DROSHA: variants seen among roughly 807,000 people sequenced by gnomAD.
DROSHA encodes ribonuclease 3.
Under a neutral mutation model 181.9 loss-of-function variants are expected in DROSHA, and 56 were observed. The observed-to-expected ratio is 0.31, with a 90% CI of 0.25 to 0.38. The LOEUF (loss-of-function observed/expected upper bound fraction) is 0.38, where lower values mean the gene tolerates loss of function less well. Ranked by LOEUF, DROSHA falls within the 10% of genes least tolerant of loss-of-function variation. DROSHA has a pLI of 1.00. For synonymous variants in DROSHA, 524 were observed against 591.2 expected (o/e 0.89, Z 1.65); for missense variants, 1,218 against 1,743.5 (o/e 0.70, Z 5.37).
At chr5:31,420,156 A>T (rs961899351) in intron 30 of DROSHA, among the ~76,000 whole-genome samples, 1 of 152,190 alleles carries the variant, frequency 6.6e-6, no homozygotes, top group African/African-American at 2.4e-5. Context: ...TCCAGGGCTC[A>T]CTCACGGTTA....
Position 31,448,621 on chromosome 5 carries a change from A to C in DROSHA, c.2822-14T>G. ...AGGTGTTAATCCCTATTTAAAATAA[A>C]AAACAAATACACAAGTAAATACGGA... is the stretch of plus-strand genomic sequence containing the variant. On this transcript the variant is annotated splice_polypyrimidine_tract_variant and intron_variant, in intron 22 of 35. Coordinates refer to ENST00000344624, the MANE Select transcript of DROSHA (RefSeq NM_001382508.1). The C allele has an allele frequency of 6.2e-7, 1 of 1,605,930 alleles. No individual in the cohort carries two copies. Among genetic ancestry groups the C allele is most frequent in the Non-Finnish European group, 8.5e-7 (1 of 1,173,316 alleles).
At chr5:31,473,999 C>G (rs1308177943) in intron 16 of DROSHA, among the ~76,000 whole-genome samples, 1 of 152,122 alleles carries the variant, frequency 6.6e-6, no homozygotes, top group Non-Finnish European at 1.5e-5. Context: ...GTCAGTATCA[C>G]TAGGGAAAAA....
intron 17 of DROSHA, among the ~76,000 whole-genome samples, chr5:31,469,746 A>G (rs1029650481): frequency 2.6e-5 from 4 of 152,216 alleles, no homozygotes; most frequent in African/African-American, 9.6e-5. Flanking sequence ...GGAGCAGGAA[A>G]TGAAATATAT....
chr5:31,521,332 G>T, intron 5 of DROSHA, 117 bp from the exon 6 acceptor site: 1 of 1,017,946 alleles, frequency 9.8e-7, no homozygotes, highest in Non-Finnish European at 1.5e-6. Flanking sequence ...TTCAGGCACT[G>T]TTCACTGGGG....
intron 11 of DROSHA, among the ~76,000 whole-genome samples, chr5:31,500,045 A>T (rs1753412565): frequency 6.6e-6 from 1 of 152,162 alleles, no homozygotes; most frequent in African/African-American, 2.4e-5. Context: ...GACTCCCCAG[A>T]TTCCTCTAAA....
intron 5 of DROSHA, among the ~76,000 whole-genome samples, chr5:31,523,949 TG>T (rs1282482266): frequency 8.3e-6 from 1 of 120,334 alleles, no homozygotes; most frequent in African/African-American, 3.3e-5. Context: ...CACTCCAGCC[TG>T]GGGAACAAAA....
At chr5:31,489,876 T>TTTTTTTTTTC (rs1561242768) in intron 13 of DROSHA, among the ~76,000 whole-genome samples, 3 of 151,740 alleles carry the variant, frequency 2.0e-5, no homozygotes, top group African/African-American at 7.3e-5. Context: ...ACCTTACATT[T>TTTTTTTTTTC]TTTTTCTTTT....
chr5:31,504,757 C>T lies in DROSHA; in HGVS notation c.1588-122G>A, dbSNP rs78126271. On this transcript the variant is annotated intron_variant, in intron 10 of 35. Transcript: ENST00000344624. Reference sequence around the variant, plus strand: ...GCGCTGAAGCTCTGAGAGGCTGTCACGGTTAGAAGATTAAACGGATGTTCC... The same window carrying T: ...GCGCTGAAGCTCTGAGAGGCTGTCATGGTTAGAAGATTAAACGGATGTTCC... The T allele has an allele frequency of 3.3e-5, 31 of 936,878 alleles. No homozygotes were observed. The East Asian group carries it at 3.7e-4, about 11-fold the overall frequency. The allele number at this position is 936,878 out of a possible 1,614,324, so 58.0% of individuals were successfully genotyped here.
chr5:31,435,403 A>G (rs1329121136), intron 25 of DROSHA, among the ~76,000 whole-genome samples: 1 of 152,246 alleles, frequency 6.6e-6, no homozygotes, highest in Non-Finnish European at 1.5e-5. Flanking sequence ...GTAAATTAAA[A>G]ACAAATGTAC....
intron 10 of DROSHA, 47 bp downstream of exon 10, chr5:31,508,574 T>C (rs781444503): frequency 8.5e-5 from 137 of 1,612,382 alleles, no homozygotes; most frequent in Non-Finnish European, 1.1e-4. Flanking sequence ...CAATAACCGT[T>C]ATGTCTGGGT....
intron 16 of DROSHA, among the ~76,000 whole-genome samples, chr5:31,474,174 T>G (rs1750091537): frequency 6.6e-6 from 1 of 152,182 alleles, no homozygotes; most frequent in African/African-American, 2.4e-5. Context: ...GTCCAAGAAG[T>G]GACAAAGTCA....
intron 18 of DROSHA, 142 bp from the exon 19 acceptor site, chr5:31,466,423 A>C (rs1463200420): frequency 8.6e-6 from 6 of 700,614 alleles, no homozygotes; most frequent in Admixed American, 2.6e-5. Context: ...CATCATTCTA[A>C]GGAAGGCTAT....
intron 16 of DROSHA, among the ~76,000 whole-genome samples, chr5:31,475,020 C>A (rs1750206776): frequency 6.6e-6 from 1 of 152,128 alleles, no homozygotes; most frequent in Admixed American, 6.5e-5. Flanking sequence ...CCAAGTCAGT[C>A]TCAAAACACA....
chr5:31,471,051 GTTT>G (rs919441978), intron 17 of DROSHA, among the ~76,000 whole-genome samples: 2 of 151,972 alleles, frequency 1.3e-5, no homozygotes, highest in South Asian at 4.2e-4. Flanking sequence ...CGATTTTCTG[GTTT>G]TAAACATGTT....
intron 20 of DROSHA, among the ~76,000 whole-genome samples, chr5:31,455,991 A>G (rs182499801): frequency 8.5e-5 from 13 of 152,256 alleles, no homozygotes; most frequent in African/African-American, 3.1e-4. Context: ...AACAATGAGA[A>G]TGTATTTAAA....
intron 17 of DROSHA, among the ~76,000 whole-genome samples, chr5:31,471,568 C>T (rs931902117): frequency 2.6e-5 from 4 of 151,506 alleles, no homozygotes; most frequent in South Asian, 2.1e-4. Flanking sequence ...ATAATTATGG[C>T]GGAGGATCAA....
chr5:31,408,739 T>C (rs1041144424), intron 33 of DROSHA: 1 of 236,578 alleles, frequency 4.2e-6, no homozygotes, highest in Non-Finnish European at 8.3e-6. Context: ...TAAAAATGTA[T>C]ATAAAAACCA....
intron 16 of DROSHA, among the ~76,000 whole-genome samples, chr5:31,479,951 T>C (rs1750834848): frequency 6.6e-6 from 1 of 151,840 alleles, no homozygotes; most frequent in African/African-American, 2.4e-5. Flanking sequence ...TAACAGTGTA[T>C]GAAAATTCAA....
intron 9 of DROSHA, among the ~76,000 whole-genome samples, 196 bp from the exon 10 acceptor site, chr5:31,508,971 T>A (rs1051683633): frequency 6.6e-6 from 1 of 152,052 alleles, no homozygotes; most frequent in African/African-American, 2.4e-5. Flanking sequence ...TACAGGCGCC[T>A]GCCACCACAC....
Sources: gnomAD v4.1 joint callset for allele counts (sites outside exome capture counted in the v4.1 genomes callset) on GRCh38, gnomAD v4.1.1 for gene constraint, MANE v1.5 for transcripts, NCBI Gene and HGNC (gene_info 2026-07-23, HGNC 2026-07-21) for gene names.